The following ZNF704 variants were observed in gnomAD, a reference collection of about 807,000 sequenced individuals.
ZNF704 encodes the protein zinc finger protein 704, also known as glucocorticoid induced gene 1.
Under a neutral mutation model 44.7 loss-of-function variants are expected in ZNF704, and 10 were observed. The observed-to-expected ratio is 0.22, with a 90% CI of 0.14 to 0.38. ZNF704 has a LOEUF of 0.38. Among genes scored for constraint, ZNF704 ranks in the 10% least tolerant of loss-of-function variants. The probability of loss-of-function intolerance (pLI) is 1.00; values close to 1 mark genes in which losing one functional copy is unlikely to be tolerated. For missense variants in ZNF704, 390 were observed against 545.5 expected (o/e 0.71, Z 2.84); for synonymous variants, 211 against 207.6 (o/e 1.02, Z -0.14).
intron 1 of ZNF704, among the ~76,000 whole-genome samples, chr8:80,844,719 G>C (rs1257335133): frequency 1.3e-5 from 2 of 152,038 alleles, no homozygotes; most frequent in Non-Finnish European, 2.9e-5. Flanking sequence ...TTAAATTTTA[G>C]AAATCTACCT....
At chr8:80,693,877 G>T (rs1201888992) in intron 2 of ZNF704, among the ~76,000 whole-genome samples, 4 of 152,186 alleles carry the variant, frequency 2.6e-5, no homozygotes, top group Admixed American at 1.3e-4. Context: ...ATGAATATTT[G>T]TAATATAATT....
rs186748536 is a variant in ZNF704 at position 80,841,821 on chromosome 8, G to A, written c.-21-20206C>T. Among the ~76,000 whole-genome samples, 72 of 152,066 alleles carry A rather than the reference G, an allele frequency of 4.7e-4. No homozygotes were observed. The Middle Eastern group carries it at 0.01, about 22-fold the overall frequency. On this transcript the variant is annotated intron_variant, in intron 1 of 8. Transcript: ENST00000327835. ...CTTCTTTTTCTAGAGAAAGGGTCTCGCTCTGTTGCCCAGGCTGGAATGCAG... is the reference window on the plus strand; with the variant it reads ...CTTCTTTTTCTAGAGAAAGGGTCTCACTCTGTTGCCCAGGCTGGAATGCAG...
At chr8:80,760,448 G>C (rs964340595) in intron 2 of ZNF704, among the ~76,000 whole-genome samples, 2 of 152,042 alleles carry the variant, frequency 1.3e-5, no homozygotes, top group Non-Finnish European at 2.9e-5. Context: ...ACGAGGTCAA[G>C]AGATCGAGAC....
chr8:80,821,300 A>G, intron 2 of ZNF704, 74 bp downstream of exon 2: 1 of 1,433,718 alleles, frequency 7.0e-7, no homozygotes, highest in Non-Finnish European at 9.8e-7. Flanking sequence ...GAGAGTCTGT[A>G]CACTGGCAGA....
chr8:80,636,614 A>G lies in ZNF704; in HGVS notation c.*4752T>C, dbSNP rs1484899537. 1 of 152,258 alleles carries G rather than the reference A, an allele frequency of 6.6e-6. No homozygotes were observed. Among genetic ancestry groups the G allele is most frequent in the African/African-American group, 2.4e-5 (1 of 41,474 alleles). 9.4% of individuals were successfully genotyped at this position (152,258 alleles called of 1,614,324 possible). A position where few individuals can be genotyped will look rare whatever the true frequency, so the allele number is the denominator to read the frequency against. ...CCCCACAGGTATGAGGAACAGGAAC[A>G]GTCCGTGCCGCTGGTAGGGCTACTT... On this transcript the variant is annotated 3_prime_UTR_variant, in exon 9 of 9. Transcript: ENST00000327835.
At chr8:80,682,316 C>A (rs1818466284) in intron 4 of ZNF704, among the ~76,000 whole-genome samples, 1 of 152,162 alleles carries the variant, frequency 6.6e-6, no homozygotes, top group Non-Finnish European at 1.5e-5. Context: ...ACTGAAGCAC[C>A]TTATGTTAAC....
intron 1 of ZNF704, among the ~76,000 whole-genome samples, chr8:80,836,163 G>C (rs1808554905): frequency 6.6e-6 from 1 of 152,080 alleles, no homozygotes; most frequent in Non-Finnish European, 1.5e-5. Flanking sequence ...CAAAGTCCTT[G>C]CCTCCAAAGT....
chr8:80,771,197 T>A (rs1345566669), intron 2 of ZNF704, among the ~76,000 whole-genome samples: 1 of 152,204 alleles, frequency 6.6e-6, no homozygotes, highest in African/African-American at 2.4e-5. Flanking sequence ...TTTCTTTGAC[T>A]TTCCATATAA....
At chr8:80,759,108 T>C (rs151109216) in intron 2 of ZNF704, among the ~76,000 whole-genome samples, 191 of 152,306 alleles carry the variant, frequency 1.3e-3, no homozygotes, top group African/African-American at 4.2e-3. Context: ...GTATCTATCA[T>C]GAATAAGACA....
Position 80,649,320 on chromosome 8 carries a change from C to T in ZNF704, c.1033-6191G>A, listed in dbSNP as rs111244318. Among the ~76,000 whole-genome samples, 666 of 152,142 alleles carry T rather than the reference C, an allele frequency of 4.4e-3. 4 individuals carry two copies. Among genetic ancestry groups the T allele is most frequent in the African/African-American group, 0.015 (628 of 41,464 alleles). On this transcript the variant is annotated intron_variant, in intron 7 of 8. Coordinates refer to ENST00000327835, the MANE Select transcript of ZNF704 (RefSeq NM_001033723.3). ...TGGGAAGTGTCAGATAGTGGGTGCA[C>T]GACAGTGGGTGCAGCACACCGAGTG...
chr8:80,824,954 C>G (rs1373494556), intron 1 of ZNF704, among the ~76,000 whole-genome samples: 1 of 152,144 alleles, frequency 6.6e-6, no homozygotes, highest in African/African-American at 2.4e-5. Flanking sequence ...CAACTGGTAC[C>G]AGCCACTGCA....
intron 7 of ZNF704, among the ~76,000 whole-genome samples, chr8:80,654,852 A>G (rs1817986940): frequency 6.6e-6 from 1 of 152,230 alleles, no homozygotes; most frequent in Admixed American, 6.5e-5. Context: ...TATATACCCA[A>G]AGGAGTATAA....
chr8:80,639,771 G>A lies in ZNF704; in HGVS notation c.*1595C>T, dbSNP rs1355763876. 6 of 152,556 alleles carry A rather than the reference G, an allele frequency of 3.9e-5. No homozygotes were observed. The highest frequency in any genetic ancestry group is 8.8e-5 in the Non-Finnish European group (6 of 68,032). 9.5% of individuals were successfully genotyped at this position (152,556 alleles called of 1,614,324 possible). A position where few individuals can be genotyped will look rare whatever the true frequency, so the allele number is the denominator to read the frequency against. ...GTCTTCTTTTTACGCTTAAAAAAGT[G>A]TATGTATAATCTCTAGACATATATT... On this transcript the variant is annotated 3_prime_UTR_variant, in exon 9 of 9. Coordinates refer to ENST00000327835, the MANE Select transcript of ZNF704 (RefSeq NM_001033723.3).
intron 3 of ZNF704, among the ~76,000 whole-genome samples, chr8:80,688,436 G>C (rs1268247308): frequency 6.6e-6 from 1 of 152,162 alleles, no homozygotes; most frequent in Non-Finnish European, 1.5e-5. Context: ...CACAACATCT[G>C]TCCTTCAGAA....
chr8:80,873,341 C>T (rs1196081444), intron 1 of ZNF704, among the ~76,000 whole-genome samples: 1 of 152,128 alleles, frequency 6.6e-6, no homozygotes, highest in African/African-American at 2.4e-5. Context: ...CTGGGAGAGA[C>T]GCAGGGGCCC....
At chr8:80,669,305 T>C (rs1327506354) in intron 5 of ZNF704, among the ~76,000 whole-genome samples, 1 of 152,200 alleles carries the variant, frequency 6.6e-6, no homozygotes, top group East Asian at 1.9e-4. Flanking sequence ...CACTGCAGGA[T>C]TTCCTTCCCT....
intron 2 of ZNF704, among the ~76,000 whole-genome samples, chr8:80,737,066 C>T (rs952354313): frequency 6.6e-6 from 1 of 152,002 alleles, no homozygotes; most frequent in Non-Finnish European, 1.5e-5. Context: ...TGAACAATAA[C>T]GCTATAGTAG....
intron 2 of ZNF704, among the ~76,000 whole-genome samples, chr8:80,820,784 C>T (rs1808256866): frequency 6.6e-6 from 1 of 152,116 alleles, no homozygotes; most frequent in South Asian, 2.1e-4. Flanking sequence ...TGCCTGTAGT[C>T]CCAGCCAGCT....
At chr8:80,745,423 T>A (rs1346107234) in intron 2 of ZNF704, among the ~76,000 whole-genome samples, 1 of 152,182 alleles carries the variant, frequency 6.6e-6, no homozygotes, top group Non-Finnish European at 1.5e-5. Context: ...ATTATGCAGC[T>A]AAGTTCCAGG....
Sources: gnomAD v4.1 joint callset for allele counts (sites outside exome capture counted in the v4.1 genomes callset) on GRCh38, gnomAD v4.1.1 for gene constraint, MANE v1.5 for transcripts, NCBI Gene and HGNC (gene_info 2026-07-23, HGNC 2026-07-21) for gene names.